The following TNFSF13B variants were observed in gnomAD, a reference collection of about 807,000 sequenced individuals.
The protein encoded by TNFSF13B is TNF superfamily member 13b.
A neutral mutation model predicts 29.1 loss-of-function variants in TNFSF13B; 8 were observed. The ratio of observed to expected loss-of-function variants is 0.27; its 90% CI spans 0.16 to 0.50. TNFSF13B has a LOEUF of 0.50. TNFSF13B is among the 20% of genes least tolerant of loss of function. The pLI is 0.98. For synonymous variants in TNFSF13B, 125 were observed against 130.8 expected (o/e 0.96, Z 0.30); for missense variants, 248 against 334.9 (o/e 0.74, Z 2.03).
At chr13:108,283,914 T>A (rs7995847) in intron 2 of TNFSF13B, among the ~76,000 whole-genome samples, 5 of 152,188 alleles carry the variant, frequency 3.3e-5, no homozygotes, top group African/African-American at 1.2e-4. Flanking sequence ...CTCCCCAAAG[T>A]CTTCCTAATA....
intron 3 of TNFSF13B, among the ~76,000 whole-genome samples, chr13:108,292,641 C>T (rs1401260193): frequency 6.6e-6 from 1 of 152,032 alleles, no homozygotes; most frequent in East Asian, 1.9e-4. Context: ...GGGTGTGAAG[C>T]CATATCTCTG....
intron 5 of TNFSF13B, among the ~76,000 whole-genome samples, chr13:108,305,108 C>T (rs754355634): frequency 2.6e-5 from 4 of 152,022 alleles, no homozygotes; most frequent in African/African-American, 7.2e-5. Flanking sequence ...AATAATTCAC[C>T]GGACTTTAAA....
chr13:108,275,654 A>C (rs1880742301), intron 2 of TNFSF13B, among the ~76,000 whole-genome samples: 1 of 152,104 alleles, frequency 6.6e-6, no homozygotes, highest in Non-Finnish European at 1.5e-5. Context: ...TTCATTTTTA[A>C]GTGAGCTTGG....
chr13:108,298,495 G>A (rs1302268216), intron 3 of TNFSF13B, among the ~76,000 whole-genome samples: 1 of 144,906 alleles, frequency 6.9e-6, no homozygotes, highest in Non-Finnish European at 1.5e-5. Flanking sequence ...CTTCAAGGAG[G>A]GTAAAGACAA....
rs534358047 is a variant in TNFSF13B, at chr13:108,286,182, T to C, written c.425-621T>C. On this transcript the variant is annotated intron_variant, in intron 2 of 5. Coordinates refer to ENST00000375887, the MANE Select transcript of TNFSF13B (RefSeq NM_006573.5). ...TGGATCCAGAGTGAAACAGGTGGGG[T>C]TGAAATTCTGGTCCCATCACTTTCT... Among the ~76,000 whole-genome samples the C allele has an allele frequency of 2.6e-5, 4 of 152,308 alleles. No homozygotes were observed. The East Asian group carries it at 7.7e-4, about 29-fold the overall frequency.
intron 2 of TNFSF13B, among the ~76,000 whole-genome samples, chr13:108,278,658 C>CCTCCTCCT (rs1174294384): frequency 0.013 from 1,708 of 133,124 alleles, 81 homozygotes; most frequent in African/African-American, 0.052. Flanking sequence ...TTCTCTTTCT[C>CCTCCTCCT]CTCCTCCTCT....
Position 108,269,915 on chromosome 13 carries a change from G to T in TNFSF13B, c.20G>T (p.Arg7Met). ...AGTGATATGGATGACTCCACAGAAA[G>T]GGAGCAGTCACGCCTTACTTCTTGC... MDDSTE[R>M]EQSRLTSCLK... Residue 7 changes from arginine to methionine, a missense_variant, in exon 1 of 6, where the codon AGG becomes ATG. Transcript: ENST00000375887. The T allele has an allele frequency of 2.5e-6, 4 of 1,610,928 alleles. No individual in the cohort carries two copies. Among genetic ancestry groups the T allele is most frequent in the Admixed American group, 1.7e-5 (1 of 59,702 alleles).
At chr13:108,281,950 G>C (rs1028086118) in intron 2 of TNFSF13B, among the ~76,000 whole-genome samples, 1 of 151,720 alleles carries the variant, frequency 6.6e-6, no homozygotes, top group Middle Eastern at 3.4e-3. Context: ...TTCTGCCACT[G>C]ATTATTTATT....
At chr13:108,300,836 C>A (rs751926775) in intron 3 of TNFSF13B, among the ~76,000 whole-genome samples, 19 of 152,306 alleles carry the variant, frequency 1.2e-4, no homozygotes, top group Non-Finnish European at 1.8e-4. Context: ...CACAGGCCGA[C>A]AAGAACATGT....
intron 3 of TNFSF13B, among the ~76,000 whole-genome samples, chr13:108,298,968 A>AAAACAAAC (rs879814003): frequency 2.8e-5 from 4 of 145,346 alleles, no homozygotes; most frequent in South Asian, 4.3e-4. Flanking sequence ...AGACTTGGGA[A>AAAACAAAC]AAACAAACAA....
At chr13:108,282,236 C>A (rs1022559411) in intron 2 of TNFSF13B, among the ~76,000 whole-genome samples, 20 of 152,080 alleles carry the variant, frequency 1.3e-4, no homozygotes, top group African/African-American at 4.8e-4. Context: ...ATGGGATAAT[C>A]GTAATGGGAA....
rs955151424 is a variant in TNFSF13B at position 108,297,679 on chromosome 13, C to T, written c.482-5574C>T. On this transcript the variant is annotated intron_variant, in intron 3 of 5. Transcript: ENST00000375887. ...TTTATTTTTAGAGCCATTTTAGATT[C>T]ACAGAAAAATTGAAAGGAAGGTACA... Among the ~76,000 whole-genome samples, 3 of 144,948 alleles carry T rather than the reference C, an allele frequency of 2.1e-5. 1 individual carries two copies. Among genetic ancestry groups the T allele is most frequent in the African/African-American group, 7.8e-5 (3 of 38,534 alleles).
At position 108,298,838 on chromosome 13, in the gene TNFSF13B, G is replaced by A. The variant is rs1881526304; in HGVS notation, c.482-4415G>A. Among the ~76,000 whole-genome samples, 3 of 145,402 alleles carry A rather than the reference G, an allele frequency of 2.1e-5. 1 individual carries two copies. The highest frequency in any genetic ancestry group is 7.8e-5 in the African/African-American group (3 of 38,594). On this transcript the variant is annotated intron_variant, in intron 3 of 5. Transcript: ENST00000375887. ...ATACAAAACTTAGCCCGGCGTAGTG[G>A]CACTTGCCTGTAGTCGCAGCTACTC...
intron 3 of TNFSF13B, among the ~76,000 whole-genome samples, chr13:108,299,618 C>T (rs1342597076): frequency 1.3e-5 from 2 of 151,924 alleles, no homozygotes; most frequent in Non-Finnish European, 2.9e-5. Flanking sequence ...TTTCGTTAAA[C>T]ATTAAAAGTC....
chr13:108,287,333 G>A (rs1287381559), intron 3 of TNFSF13B, among the ~76,000 whole-genome samples: 1 of 152,108 alleles, frequency 6.6e-6, no homozygotes, highest in Admixed American at 6.6e-5. Context: ...CCAAATATTT[G>A]TAAGTTTCAA....
At chr13:108,302,958 A>G (rs1234344811) in intron 3 of TNFSF13B, 4 of 666,314 alleles carry the variant, frequency 6.0e-6, no homozygotes, top group Non-Finnish European at 7.7e-6. Context: ...ATCAGCCTTT[A>G]TTATGAAATA....
At chr13:108,282,816 T>C (rs1255999876) in intron 2 of TNFSF13B, among the ~76,000 whole-genome samples, 1 of 152,186 alleles carries the variant, frequency 6.6e-6, no homozygotes, top group Non-Finnish European at 1.5e-5. Flanking sequence ...AGGGTTTTAA[T>C]GTATATTATT....
chr13:108,289,554 T>G (rs1024522468), intron 3 of TNFSF13B, among the ~76,000 whole-genome samples: 25 of 147,932 alleles, frequency 1.7e-4, no homozygotes, highest in African/African-American at 6.1e-4. Flanking sequence ...GCATATTATA[T>G]GTAATTATAT....
intron 3 of TNFSF13B, among the ~76,000 whole-genome samples, chr13:108,288,209 TA>T (rs1371347482): frequency 6.6e-6 from 1 of 152,204 alleles, no homozygotes; most frequent in Non-Finnish European, 1.5e-5. Context: ...AAAAATGTAC[TA>T]AAAAAGAACC....
Sources: gnomAD v4.1 joint callset for allele counts (sites outside exome capture counted in the v4.1 genomes callset) on GRCh38, gnomAD v4.1.1 for gene constraint, MANE v1.5 for transcripts, NCBI Gene and HGNC (gene_info 2026-07-23, HGNC 2026-07-21) for gene names.